The following PDE1C variants were observed in gnomAD, a reference collection of about 807,000 sequenced individuals.
The protein encoded by PDE1C is dual specificity calcium/calmodulin-dependent 3',5'-cyclic nucleotide phosphodiesterase 1C.
In PDE1C, 62 loss-of-function variants were observed where a neutral mutation model predicts 93.1. That is an observed-to-expected ratio of 0.67 (90% confidence interval 0.54 to 0.82). The LOEUF (loss-of-function observed/expected upper bound fraction) is 0.82, where lower values mean the gene tolerates loss of function less well. Ranked by LOEUF, PDE1C falls within the 40% of genes least tolerant of loss-of-function variation. The pLI, the probability that PDE1C is intolerant of heterozygous loss-of-function variation, is 0.00. For synonymous variants in PDE1C, 325 were observed against 310.1 expected (o/e 1.05, Z -0.50); for missense variants, 742 against 884.6 (o/e 0.84, Z 2.04).
intron 1 of PDE1C, among the ~76,000 whole-genome samples, chr7:32,056,400 C>CA (rs1794111401): frequency 6.6e-6 from 1 of 151,364 alleles, no homozygotes; most frequent in Non-Finnish European, 1.5e-5. Flanking sequence ...CACACACACA[C>CA]ACACAGCTTC....
chr7:31,639,603 C>G, the PDE1C span, among the ~76,000 whole-genome samples: 1 of 146,318 alleles, frequency 6.8e-6, no homozygotes, highest in Non-Finnish European at 1.5e-5. Flanking sequence ...GTGGCGCAAT[C>G]TCAGCTCACT....
chr7:32,232,379 G>T (rs1277841857), intron 1 of PDE1C, among the ~76,000 whole-genome samples: 1 of 152,098 alleles, frequency 6.6e-6, no homozygotes, highest in East Asian at 1.9e-4. Flanking sequence ...CTAGCAGACT[G>T]CAATCCCCTA....
intron 1 of PDE1C, among the ~76,000 whole-genome samples, chr7:32,422,562 C>T (rs557162735): frequency 6.6e-6 from 1 of 150,740 alleles, no homozygotes; most frequent in East Asian, 2.0e-4. Flanking sequence ...ATGTTTAGTT[C>T]CCACTTATAA....
chr7:32,206,329 T>C (rs1428456338), intron 2 of PDE1C, among the ~76,000 whole-genome samples: 1 of 152,150 alleles, frequency 6.6e-6, no homozygotes, highest in Non-Finnish European at 1.5e-5. Context: ...ATCAGCGTTT[T>C]TCTCTAGGTC....
At chr7:31,978,875 C>T (rs1229767163) in intron 2 of PDE1C, among the ~76,000 whole-genome samples, 2 of 152,146 alleles carry the variant, frequency 1.3e-5, no homozygotes, top group Non-Finnish European at 2.9e-5. Context: ...ACTTTATTTT[C>T]ATTTCATAGT....
chr7:32,309,707 T>C (rs569247610), intron 1 of PDE1C, among the ~76,000 whole-genome samples: 1 of 152,238 alleles, frequency 6.6e-6, no homozygotes, highest in African/African-American at 2.4e-5. Flanking sequence ...GCTGAGAGAT[T>C]TTGTCACCAC....
the PDE1C span, among the ~76,000 whole-genome samples, chr7:31,703,824 C>G: frequency 3.9e-5 from 6 of 152,160 alleles, no homozygotes; most frequent in Admixed American, 6.5e-5. Context: ...ACCTTCACTC[C>G]CCTTAGTTAA....
chr7:31,822,231 G>A (rs1290925094), intron 14 of PDE1C, among the ~76,000 whole-genome samples: 1 of 151,994 alleles, frequency 6.6e-6, no homozygotes, highest in Non-Finnish European at 1.5e-5. Flanking sequence ...GACTCTTGTT[G>A]AAGGCTCACC....
At chr7:32,016,139 G>C (rs905962041) in intron 2 of PDE1C, among the ~76,000 whole-genome samples, 3 of 152,212 alleles carry the variant, frequency 2.0e-5, no homozygotes, top group African/African-American at 7.2e-5. Context: ...GTCCTGAGCT[G>C]CTACTTCTCA....
intron 1 of PDE1C, among the ~76,000 whole-genome samples, chr7:32,368,534 C>T (rs1043042016): frequency 6.6e-6 from 1 of 152,108 alleles, no homozygotes; most frequent in Non-Finnish European, 1.5e-5. Context: ...ACAGCCCATA[C>T]TCATGGATTA....
At chr7:31,718,185 G>C in the PDE1C span, among the ~76,000 whole-genome samples, 2 of 152,060 alleles carry the variant, frequency 1.3e-5, no homozygotes, top group Admixed American at 1.3e-4. Context: ...GGGACCATAG[G>C]AGTCCTTCCC....
At position 31,992,475 on chromosome 7, in the gene PDE1C, G is replaced by A. The variant is rs535308855; in HGVS notation, c.128+59079C>T. On this transcript the variant is annotated intron_variant, in intron 2 of 17. Coordinates refer to ENST00000396191, the MANE Select transcript of PDE1C (RefSeq NM_001191057.4). ...TCCCAAACAAATGAGGAAAGGCTTT[G>A]TTGGAGGGCAGGGATGTGATGCTGA... Among the ~76,000 whole-genome samples the A allele has an allele frequency of 4.6e-5, 7 of 152,338 alleles. No homozygotes were observed. The South Asian group carries it at 1.5e-3, about 32-fold the overall frequency.
intron 16 of PDE1C, among the ~76,000 whole-genome samples, chr7:31,801,789 T>C (rs1401369268): frequency 6.6e-6 from 1 of 151,522 alleles, no homozygotes; most frequent in Non-Finnish European, 1.5e-5. Context: ...CATATATTAA[T>C]ATAGCCACCA....
chr7:31,976,034 G>T (rs1433383212), intron 2 of PDE1C, among the ~76,000 whole-genome samples: 1 of 152,206 alleles, frequency 6.6e-6, no homozygotes, highest in Non-Finnish European at 1.5e-5. Flanking sequence ...CAGGCCATGA[G>T]CCATCAAGAA....
intron 9 of PDE1C, among the ~76,000 whole-genome samples, chr7:31,842,427 C>A (rs1792030977): frequency 6.6e-6 from 1 of 151,986 alleles, no homozygotes; most frequent in African/African-American, 2.4e-5. Flanking sequence ...CTGGATATTT[C>A]TTTGTGGGAA....
intron 1 of PDE1C, among the ~76,000 whole-genome samples, chr7:32,236,051 T>C (rs891223854): frequency 6.6e-6 from 1 of 152,074 alleles, no homozygotes. Context: ...GAATAGTCTG[T>C]CCCACAAATG....
At chr7:32,406,782 C>T (rs1785060414) in intron 1 of PDE1C, among the ~76,000 whole-genome samples, 2 of 152,066 alleles carry the variant, frequency 1.3e-5, no homozygotes, top group African/African-American at 4.8e-5. Context: ...AAATGAAGAG[C>T]AAGGATTGCA....
intron 2 of PDE1C, among the ~76,000 whole-genome samples, chr7:31,932,765 C>CTCCATTTTGTGCCTGCATA (rs1220453951): frequency 6.6e-6 from 1 of 152,090 alleles, no homozygotes; most frequent in African/African-American, 2.4e-5. Context: ...CACATGCGCA[C>CTCCATTTTGTGCCTGCATA]ATATGTTTAC....
chr7:32,258,691 C>T (rs1454157680), intron 1 of PDE1C, among the ~76,000 whole-genome samples: 1 of 152,198 alleles, frequency 6.6e-6, no homozygotes, highest in African/African-American at 2.4e-5. Context: ...GACATGGAAA[C>T]TCCAGGAAAC....
Sources: allele counts gnomAD v4.1 joint callset (sites outside exome capture counted in the v4.1 genomes callset), GRCh38; gene constraint gnomAD v4.1.1; transcripts MANE v1.5; gene names NCBI Gene and HGNC (gene_info 2026-07-23, HGNC 2026-07-21).